IGSF9B: variants seen among roughly 807,000 people sequenced by gnomAD.
The protein encoded by IGSF9B is protein turtle homolog B.
IGSF9B carries 48 observed loss-of-function variants against 143.7 expected under a neutral mutation model. The observed-to-expected ratio is 0.33, with a 90% CI of 0.26 to 0.42. The LOEUF is 0.42. IGSF9B is among the 20% of genes least tolerant of loss of function. The probability of loss-of-function intolerance (pLI) is 1.00; values close to 1 mark genes in which losing one functional copy is unlikely to be tolerated. For missense variants in IGSF9B, 1,706 were observed against 1,980.0 expected (o/e 0.86, Z 2.63); for synonymous variants, 903 against 833.1 (o/e 1.08, Z -1.44).
chr11:133,935,362 G>A (rs530262018), intron 7 of IGSF9B, among the ~76,000 whole-genome samples: 1 of 152,262 alleles, frequency 6.6e-6, no homozygotes, highest in East Asian at 1.9e-4. Flanking sequence ...GTCTTCCTGA[G>A]TGCAGCCTGC....
At chr11:133,918,356 C>A (rs1939433188) in intron 18 of IGSF9B, among the ~76,000 whole-genome samples, 1 of 152,072 alleles carries the variant, frequency 6.6e-6, no homozygotes, top group Non-Finnish European at 1.5e-5. Flanking sequence ...GGGCACCGCC[C>A]ACGCACACCC....
chr11:133,941,759 G>A (rs1939959042), intron 3 of IGSF9B, among the ~76,000 whole-genome samples: 1 of 152,220 alleles, frequency 6.6e-6, no homozygotes, highest in African/African-American at 2.4e-5. Context: ...CAGCCTACCC[G>A]TGTTCCCTGA....
Position 133,946,272 on chromosome 11 carries a change from C to A in IGSF9B, c.65-14G>T. 6.2e-7 allele frequency: 1 copy of A among 1,609,884 alleles called. No homozygotes were observed. Among genetic ancestry groups the A allele is most frequent in the Non-Finnish European group, 8.5e-7 (1 of 1,178,026 alleles). On this transcript the variant is annotated splice_polypyrimidine_tract_variant and intron_variant, in intron 1 of 19. Transcript: ENST00000533871. The stretch of plus-strand genomic sequence containing the variant: ...GGCCGTGGGCGCCTGATGGGGACGG[C>A]CAGGTTGGACACAGAAAGGAGGTGA...
intron 4 of IGSF9B, 57 bp from the exon 5 acceptor site, chr11:133,937,550 C>T (rs1939847830): frequency 2.9e-6 from 4 of 1,377,800 alleles, no homozygotes; most frequent in East Asian, 2.3e-5. Context: ...CCGCTGCTAC[C>T]CTCAAACACG....
Position 133,932,066 on chromosome 11 carries a change from A to G in IGSF9B, c.1110+5T>C, listed in dbSNP as rs771967443. ...TCCAACCCTCAACATGCATCTCTCT[A>G]GCACCTTCTCAACCTGCAGGGGACG... On this transcript the variant is annotated splice_donor_5th_base_variant and intron_variant, in intron 8 of 19. Coordinates refer to ENST00000533871, the MANE Select transcript of IGSF9B (RefSeq NM_001277285.4). 1 of 1,611,114 alleles carries G rather than the reference A, an allele frequency of 6.2e-7. No homozygotes were observed. Among genetic ancestry groups the G allele is most frequent in the Non-Finnish European group, 8.5e-7 (1 of 1,178,256 alleles).
At chr11:133,925,497 G>A (rs561989821) in intron 14 of IGSF9B, among the ~76,000 whole-genome samples, 63 of 152,258 alleles carry the variant, frequency 4.1e-4, no homozygotes, top group African/African-American at 1.2e-3. Context: ...TAGCGGTGCC[G>A]GGACCCTCAG....
rs1591704106 is a variant in IGSF9B, at chr11:133,902,443, A to C, written c.*6626T>G. On this transcript the variant is annotated 3_prime_UTR_variant, in exon 20 of 20. Transcript: ENST00000533871. ...ATACACACACCACACCACACACACCACCCAGACACACCACACACAGATACA... is the reference window on the plus strand; with the variant it reads ...ATACACACACCACACCACACACACCCCCCAGACACACCACACACAGATACA... Among the ~76,000 whole-genome samples, 1 of 48,394 alleles carries C rather than the reference A, an allele frequency of 2.1e-5. No individual in the cohort carries two copies. Among genetic ancestry groups the C allele is most frequent in the Non-Finnish European group, 6.3e-5 (1 of 15,964 alleles). 31.7% of individuals were successfully genotyped at this position (48,394 alleles called of 152,430 possible).
In IGSF9B at chr11:133,930,466, G is replaced by A. The variant is rs1591716981; in HGVS notation, c.1519+518C>T. Among the ~76,000 whole-genome samples, 2 of 152,188 alleles carry A rather than the reference G, an allele frequency of 1.3e-5. 1 individual carries two copies. On this transcript the variant is annotated intron_variant, in intron 11 of 19. Transcript: ENST00000533871. Reference sequence around the variant, plus strand: ...TGATTATAGCCGTCAGGACCCAGAAGGACAGGCTGAGAGGGCCCAGGCGAA... The same window carrying A: ...TGATTATAGCCGTCAGGACCCAGAAAGACAGGCTGAGAGGGCCCAGGCGAA...
intron 11 of IGSF9B, among the ~76,000 whole-genome samples, chr11:133,930,341 C>T (rs1939699880): frequency 6.6e-6 from 1 of 152,162 alleles, no homozygotes; most frequent in Non-Finnish European, 1.5e-5. Flanking sequence ...AGAGAAACCC[C>T]AGCTCGCACC....
rs1196843321 is a variant in IGSF9B, at chr11:133,908,550, G to A, written c.*519C>T. ...CCTCCTCCTGCCTCCACTGACCACA[G>A]AGAGCAACAGCACTTTGCCTCAATG... is the stretch of plus-strand genomic sequence containing the variant. On this transcript the variant is annotated 3_prime_UTR_variant, in exon 20 of 20. Transcript: ENST00000533871. 1.3e-5 allele frequency: 2 copies of A among 151,474 alleles called. No individual in the cohort carries two copies. The highest frequency in any genetic ancestry group is 2.9e-5 in the Non-Finnish European group (2 of 67,976). The allele number at this position is 151,474 out of a possible 1,614,324, so 9.4% of individuals were successfully genotyped here. A position where few individuals can be genotyped will look rare whatever the true frequency, so the allele number is the denominator to read the frequency against.
In IGSF9B at chr11:133,902,079, CCA is replaced by C. The variant is rs1358623354; in HGVS notation, c.*6988_*6989del. Among the ~76,000 whole-genome samples the C allele has an allele frequency of 1.4e-5, 2 of 147,868 alleles. No individual in the cohort carries two copies. The highest frequency in any genetic ancestry group is 5.0e-5 in the African/African-American group (2 of 39,994). On this transcript the variant is annotated 3_prime_UTR_variant, in exon 20 of 20. Transcript: ENST00000533871. ...CACACATACCACACACAATAACACA[CCA>C]CATACAATACACAAAACACATAGCA...
In IGSF9B at chr11:133,928,332, C is replaced by T. The variant is rs1939666325; in HGVS notation, c.1632-1241G>A. ...GAGTAAGGGGACGGGAGGTGAGCTG[C>T]GGCAACTCCCATCATCCAGGTGCAG... is the stretch of plus-strand genomic sequence containing the variant. On this transcript the variant is annotated intron_variant, in intron 12 of 19. Coordinates refer to ENST00000533871, the MANE Select transcript of IGSF9B (RefSeq NM_001277285.4). This position sits in a 1 kb window ranked among gnomAD's most constrained non-coding sequence, Gnocchi z 4.7. Among the ~76,000 whole-genome samples the T allele has an allele frequency of 6.6e-6, 1 of 152,126 alleles. No individual in the cohort carries two copies. Among genetic ancestry groups the T allele is most frequent in the Non-Finnish European group, 1.5e-5 (1 of 68,014 alleles).
rs1460799105 is a variant in IGSF9B at position 133,897,829 on chromosome 11, T to G, written c.*11240A>C. 1 of 152,240 alleles carries G rather than the reference T, an allele frequency of 6.6e-6. No homozygotes were observed. The highest frequency in any genetic ancestry group is 1.5e-5 in the Non-Finnish European group (1 of 68,048). 9.4% of individuals were successfully genotyped at this position (152,240 alleles called of 1,614,324 possible). A position where few individuals can be genotyped will look rare whatever the true frequency, so the allele number is the denominator to read the frequency against. Reference sequence around the variant, plus strand: ...GTGTTCTGTGTGCAGCTGTACAATTTGTTGGTTTGTCTTTAATGTTGAACA... The same window carrying G: ...GTGTTCTGTGTGCAGCTGTACAATTGGTTGGTTTGTCTTTAATGTTGAACA... On this transcript the variant is annotated 3_prime_UTR_variant, in exon 20 of 20. Transcript: ENST00000533871.
At position 133,903,060 on chromosome 11, in the gene IGSF9B, G is replaced by A. The variant is rs1050008179; in HGVS notation, c.*6009C>T. ...CTGCCCCTCCCACCACCTCCCCATC[G>A]TAAACCACGCACATGTTCACGATCC... On this transcript the variant is annotated 3_prime_UTR_variant, in exon 20 of 20. Transcript: ENST00000533871. 6.7e-6 allele frequency among the ~76,000 whole-genome samples: 1 copy of A among 148,420 alleles called. No individual in the cohort carries two copies. The highest frequency in any genetic ancestry group is 2.2e-4 in the South Asian group (1 of 4,578).
rs768790374 is a variant in IGSF9B, at chr11:133,937,829, C to A, written c.542G>T (p.Gly181Val). 11 of 1,610,032 alleles carry A rather than the reference C, an allele frequency of 6.8e-6. No individual in the cohort carries two copies. The highest frequency in any genetic ancestry group is 6.7e-5 in the East Asian group (3 of 44,746). The change falls in exon 4 of 20, where the codon GGT becomes GTT. Residue 181 changes from glycine to valine, a missense_variant. Gly to Val is a moderately radical substitution (Grantham distance 109). Coordinates refer to ENST00000533871, the MANE Select transcript of IGSF9B (RefSeq NM_001277285.4). The part of the protein sequence containing the change: ...VTWLKEGTLL[G>V]ASGKYQVSDG... ...ACTCACCTGGTATTTCCCACTAGCA[C>A]CGAGGAGCGTCCCCTCCTTGAGCCA...
intron 18 of IGSF9B, among the ~76,000 whole-genome samples, chr11:133,915,290 T>G (rs1939360820): frequency 6.8e-6 from 1 of 146,734 alleles, no homozygotes; most frequent in African/African-American, 2.5e-5. Flanking sequence ...TTTTTTTTTT[T>G]GAGACAGGGT....
Position 133,935,614 on chromosome 11 carries a change from C to T in IGSF9B, c.967+3G>A. The T allele has an allele frequency of 6.2e-7, 1 of 1,609,128 alleles. No homozygotes were observed. The highest frequency in any genetic ancestry group is 1.7e-4 in the Middle Eastern group (1 of 5,956). On this transcript the variant is annotated splice_donor_region_variant and intron_variant, in intron 7 of 19. Transcript: ENST00000533871. ...ACCCAGGCTCCCCTGCACCCCTACT[C>T]ACACTGCACGGTCAGGTACGCCGAG...
intron 3 of IGSF9B, among the ~76,000 whole-genome samples, chr11:133,943,838 GAACTCCAC>G (rs1939994963): frequency 6.6e-6 from 1 of 152,196 alleles, no homozygotes; most frequent in Admixed American, 6.5e-5. Context: ...GGGACCCCAG[GAACTCCAC>G]CAGAATTGGG....
rs545987304 is a variant in IGSF9B at position 133,937,622 on chromosome 11, C to T, written c.562-129G>A. ...CAGGGACAGATGCATCTGGGGGACA[C>T]GAAGGGCAGGTGCCCCCTTGCCCAT... On this transcript the variant is annotated intron_variant, in intron 4 of 19. Transcript: ENST00000533871. The T allele has an allele frequency of 5.5e-5, 55 of 994,264 alleles. 1 individual carries two copies. The South Asian group carries it at 7.4e-4, about 13-fold the overall frequency. The allele number at this position is 994,264 out of a possible 1,614,324, so 61.6% of individuals were successfully genotyped here.
Sources: gnomAD v4.1 joint callset for allele counts (sites outside exome capture counted in the v4.1 genomes callset) on GRCh38, gnomAD v4.1.1 for gene constraint, Gnocchi (gnomAD v3.1) non-coding constraint, MANE v1.5 for transcripts, NCBI Gene and HGNC (gene_info 2026-07-23, HGNC 2026-07-21) for gene names.